DAB1: variants seen among roughly 807,000 people sequenced by gnomAD.
DAB1 encodes DAB adaptor protein 1.
DAB1 carries 15 observed loss-of-function variants against 64.6 expected under a neutral mutation model. The ratio of observed to expected loss-of-function variants is 0.23; its 90% CI spans 0.16 to 0.36. The LOEUF (loss-of-function observed/expected upper bound fraction) is 0.36. DAB1 is among the 10% of genes least tolerant of loss of function. The probability of loss-of-function intolerance (pLI) is 1.00; values close to 1 mark genes in which losing one functional copy is unlikely to be tolerated. For missense variants in DAB1, 596 were observed against 706.7 expected (o/e 0.84, Z 1.78); for synonymous variants, 235 against 251.9 (o/e 0.93, Z 0.64).
intron 3 of DAB1, among the ~76,000 whole-genome samples, chr1:58,488,909 G>T (rs1185594779): frequency 6.6e-6 from 1 of 152,210 alleles, no homozygotes; most frequent in African/African-American, 2.4e-5. Flanking sequence ...TTTTGTCCAA[G>T]TTTTATGATC....
chr1:57,785,256 T>C (rs1466145291), intron 6 of DAB1, among the ~76,000 whole-genome samples: 1 of 152,196 alleles, frequency 6.6e-6, no homozygotes, highest in Non-Finnish European at 1.5e-5. Flanking sequence ...AGAACTCTGA[T>C]GGATATGTGC....
At chr1:57,199,480 A>G (rs934018849) in intron 2 of DAB1, among the ~76,000 whole-genome samples, 2 of 152,162 alleles carry the variant, frequency 1.3e-5, no homozygotes, top group Non-Finnish European at 2.9e-5. Context: ...CTTCTGATGG[A>G]AAACTATCAC....
intron 5 of DAB1, among the ~76,000 whole-genome samples, chr1:58,065,738 G>A (rs756306922): frequency 1.3e-5 from 2 of 152,140 alleles, no homozygotes; most frequent in Non-Finnish European, 2.9e-5. Context: ...CATCTGTGGA[G>A]GGGGAAAAGG....
intron 4 of DAB1, among the ~76,000 whole-genome samples, chr1:58,295,573 G>A (rs940960920): frequency 2.0e-5 from 3 of 152,130 alleles, no homozygotes; most frequent in African/African-American, 4.8e-5. Flanking sequence ...TTTTTTCTAT[G>A]TGACTTATAT....
At chr1:58,198,717 G>A (rs1251138983) in intron 4 of DAB1, among the ~76,000 whole-genome samples, 6 of 152,100 alleles carry the variant, frequency 3.9e-5, no homozygotes, top group African/African-American at 1.5e-4. Flanking sequence ...GTTCAGGATT[G>A]AGGGCAAGAC....
chr1:57,072,064 T>TAAA (rs71800606), intron 5 of DAB1, among the ~76,000 whole-genome samples: 168 of 139,366 alleles, frequency 1.2e-3, no homozygotes, highest in African/African-American at 4.2e-3. Context: ...ACCCATTAGT[T>TAAA]AAAAAAAAAA....
intron 5 of DAB1, among the ~76,000 whole-genome samples, chr1:58,002,554 G>C (rs1280600200): frequency 6.6e-6 from 1 of 152,078 alleles, no homozygotes; most frequent in East Asian, 1.9e-4. Context: ...TTATCTGTGA[G>C]GTTCTGTACA....
rs1044070025 is a variant in DAB1, at chr1:57,157,661, T to C, written c.68-12232A>G. Among the ~76,000 whole-genome samples the C allele has an allele frequency of 3.3e-5, 5 of 152,156 alleles. No homozygotes were observed. The East Asian group carries it at 9.6e-4, about 29-fold the overall frequency. On this transcript the variant is annotated intron_variant, in intron 2 of 14. Transcript: ENST00000371236. The stretch of plus-strand genomic sequence containing the variant: ...TAATCCCATCATGAATACTCTACTT[T>C]CATGATGTCATCTAAAGCTAATTAT...
chr1:57,746,560 C>T (rs1392966804), intron 6 of DAB1, among the ~76,000 whole-genome samples: 2 of 152,064 alleles, frequency 1.3e-5, no homozygotes, highest in Non-Finnish European at 2.9e-5. Context: ...CCCTTGGTGT[C>T]TGCAGGAGAT....
intron 6 of DAB1, among the ~76,000 whole-genome samples, chr1:57,749,702 C>T (rs1380169172): frequency 1.3e-5 from 2 of 151,612 alleles, no homozygotes; most frequent in Non-Finnish European, 2.9e-5. Flanking sequence ...AAACATAGGG[C>T]AGGAGATGGA....
intron 11 of DAB1, among the ~76,000 whole-genome samples, chr1:57,018,208 A>G (rs1646496478): frequency 1.3e-5 from 2 of 152,180 alleles, no homozygotes; most frequent in African/African-American, 4.8e-5. Flanking sequence ...GGTTTGGAAC[A>G]CTGTCAAAAG....
At chr1:58,440,367 G>A (rs1368153123) in intron 3 of DAB1, among the ~76,000 whole-genome samples, 1 of 152,138 alleles carries the variant, frequency 6.6e-6, no homozygotes, top group Non-Finnish European at 1.5e-5. Flanking sequence ...CGAGCAGGAG[G>A]GCCATATTAA....
chr1:58,317,605 A>T (rs1361212089), intron 4 of DAB1, among the ~76,000 whole-genome samples: 3 of 152,196 alleles, frequency 2.0e-5, no homozygotes, highest in Non-Finnish European at 2.9e-5. Flanking sequence ...AGGACCACAG[A>T]TGCAACCCGA....
chr1:57,398,111 T>C (rs549643865), intron 1 of DAB1, among the ~76,000 whole-genome samples: 41 of 152,342 alleles, frequency 2.7e-4, no homozygotes, highest in African/African-American at 9.6e-4. Flanking sequence ...TTTTAAGGCT[T>C]TTCACTCATA....
Position 58,200,043 on chromosome 1 carries a change from A to G in DAB1, n.310-49455T>C, listed in dbSNP as rs115482502. Among the ~76,000 whole-genome samples the G allele has an allele frequency of 3.9e-3, 595 of 152,262 alleles. 1 individual carries two copies. Among genetic ancestry groups the G allele is most frequent in the African/African-American group, 0.014 (579 of 41,558 alleles). The stretch of plus-strand genomic sequence containing the variant: ...TTCCACTCATATTCCATTGGTCAGA[A>G]CTCAGATGCACAGAGACACAGAGAC... On this transcript the variant is annotated intron_variant and non_coding_transcript_variant, in intron 4 of 20. Transcript: ENST00000485760.
At position 57,070,564 on chromosome 1, in the gene DAB1, G is replaced by A. The variant is rs188845376; in HGVS notation, c.597+459C>T. Among the ~76,000 whole-genome samples the A allele has an allele frequency of 2.3e-3, 347 of 152,284 alleles. 3 individuals carry two copies. Among genetic ancestry groups the A allele is most frequent in the Non-Finnish European group, 6.6e-4 (45 of 68,016 alleles). On this transcript the variant is annotated intron_variant, in intron 7 of 14. Coordinates refer to ENST00000371236, the MANE Select transcript of DAB1 (RefSeq NM_001365792.1). ...AATTGGAGGGTCAGCTTGCCCCATCGGGGGTCAGAGAGTCCTCCTCATAGC... is the reference window on the plus strand; with the variant it reads ...AATTGGAGGGTCAGCTTGCCCCATCAGGGGTCAGAGAGTCCTCCTCATAGC...
rs555234533 is a variant in DAB1 at position 57,449,799 on chromosome 1, T to A, written n.626-158633A>T. On this transcript the variant is annotated intron_variant and non_coding_transcript_variant, in intron 7 of 20. Transcript: ENST00000485760. ...AGGCTGGAAAACTCTTTAGAATATG[T>A]CATTTTGTGTCTATTATCTTTATCC... Among the ~76,000 whole-genome samples the A allele has an allele frequency of 9.2e-5, 14 of 152,342 alleles. No individual in the cohort carries two copies. In the Middle Eastern group the frequency reaches 0.01, roughly 111 times the overall value.
intron 5 of DAB1, among the ~76,000 whole-genome samples, chr1:57,920,979 T>C (rs886602823): frequency 6.6e-6 from 1 of 152,216 alleles, no homozygotes; most frequent in Non-Finnish European, 1.5e-5. Context: ...GTGTGTATAA[T>C]ACATATGTTC....
chr1:58,423,401 C>T (rs1310887599), intron 3 of DAB1, among the ~76,000 whole-genome samples: 1 of 152,196 alleles, frequency 6.6e-6, no homozygotes, highest in Non-Finnish European at 1.5e-5. Context: ...GCAATCCTGT[C>T]TGTGCTCCAA....
Sources: allele counts gnomAD v4.1 joint callset (sites outside exome capture counted in the v4.1 genomes callset), GRCh38; gene constraint gnomAD v4.1.1; transcripts MANE v1.5; gene names NCBI Gene and HGNC (gene_info 2026-07-23, HGNC 2026-07-21).